Variants in PNPLA5 observed in about 807,000 individuals in gnomAD.
The protein encoded by PNPLA5 is patatin like domain 5, triacylglycerol lipase, also known as patatin-like phospholipase domain-containing protein 5.
A neutral mutation model predicts 49.1 loss-of-function variants in PNPLA5; 44 were observed. The observed-to-expected ratio is 0.90, with a 90% CI of 0.70 to 1.15. The LOEUF is 1.15. Ranked by LOEUF, PNPLA5 falls within the 50% of genes most tolerant of loss-of-function variation. The probability of loss-of-function intolerance (pLI) is 0.00; values close to 1 mark genes in which losing one functional copy is unlikely to be tolerated. For missense variants in PNPLA5, 603 were observed against 564.0 expected, an observed-to-expected ratio of 1.07 and a Z score of -0.70; for synonymous variants, 243 against 244.4, an observed-to-expected ratio of 0.99 and a Z score of 0.06.
chr22:43,881,545 C>T lies in PNPLA5; in HGVS notation c.1199+13G>A. 6.4e-7 allele frequency: 1 copy of T among 1,570,986 alleles called. No homozygotes were observed. The highest frequency in any genetic ancestry group is 8.6e-7 in the Non-Finnish European group (1 of 1,158,530). ...GCCACCCCCTCTCCATCCCTGCCCT[C>T]TGCCCACCTCACCTGATGGGCCCAA... is the stretch of plus-strand genomic sequence containing the variant. On this transcript the variant is annotated intron_variant, in intron 8 of 8. Coordinates refer to ENST00000216177, the MANE Select transcript of PNPLA5 (RefSeq NM_138814.4).
In PNPLA5 at chr22:43,886,429, C is replaced by T. The variant is rs956120741; in HGVS notation, c.823G>A (p.Asp275Asn). 6.2e-7 allele frequency: 1 copy of T among 1,614,148 alleles called. No individual in the cohort carries two copies. ...TCACAGCCAGCATCCCAGTTTCCGT[C>T]AGCCGGGGCTGGGGGTTCCTTAGAC... ...LVSKEPPAPADGNWDAGCDQR... is the reference protein window; with the variant it reads ...LVSKEPPAPANGNWDAGCDQR... Residue 275 changes from aspartate (D) to asparagine (N), a missense_variant, in exon 6 of 9, where the codon GAC becomes AAC. By Grantham distance (23) the Asp-to-Asn change is conservative (BLOSUM62 1). Coordinates refer to ENST00000216177, the MANE Select transcript of PNPLA5 (RefSeq NM_138814.4).
intron 2 of PNPLA5, 21 bp downstream of exon 2, chr22:43,891,041 T>C (rs1183447142): frequency 1.3e-6 from 2 of 1,595,918 alleles, no homozygotes; most frequent in East Asian, 2.3e-5. Context: ...AGCCAAGCCC[T>C]GGGCACCCCC....
At chr22:43,890,976 C>T (rs1160708263) in intron 2 of PNPLA5, 86 bp downstream of exon 2, 17 of 1,497,594 alleles carry the variant, frequency 1.1e-5, no homozygotes, top group African/African-American at 1.4e-5. Context: ...CCTGCAGAAA[C>T]GTCTGACGGG....
Position 43,880,736 on chromosome 22 carries a change from CA to C in PNPLA5, c.*58del. ...CTGGGGCAGATGTGGGCACACAGGA[CA>C]AAGGCCAGAGCAGGAATCAAGGGAC... is the stretch of plus-strand genomic sequence containing the variant. On this transcript the variant is annotated 3_prime_UTR_variant, in exon 9 of 9. Coordinates refer to ENST00000216177, the MANE Select transcript of PNPLA5 (RefSeq NM_138814.4). The C allele has an allele frequency of 7.9e-7, 1 of 1,265,008 alleles. No homozygotes were observed. 78.4% of individuals were successfully genotyped at this position (1,265,008 alleles called of 1,614,324 possible).
At chr22:43,884,709 A>G (rs898483774) in intron 6 of PNPLA5, among the ~76,000 whole-genome samples, 6 of 142,016 alleles carry the variant, frequency 4.2e-5, no homozygotes, top group African/African-American at 1.3e-4. Context: ...GCTGGGACAG[A>G]TGCTCTCACC....
rs547894191 is a variant in PNPLA5, at chr22:43,884,204, G to A, written c.1082+9C>T. On this transcript the variant is annotated intron_variant, in intron 7 of 8. Coordinates refer to ENST00000216177, the MANE Select transcript of PNPLA5 (RefSeq NM_138814.4). ...CAGGCCCTTCCCAGGCCCCCTGGCC[G>A]AGCCTTACCTTCTGCTGCGGAAGTA... The A allele has an allele frequency of 1.3e-4, 196 of 1,510,938 alleles. No individual in the cohort carries two copies. The South Asian group carries it at 2.1e-3, about 16-fold the overall frequency. The allele number at this position is 1,510,938 out of a possible 1,614,324, so 93.6% of individuals were successfully genotyped here.
chr22:43,891,802 C>G lies in PNPLA5; in HGVS notation c.79G>C (p.Ala27Pro). Residue 27 changes from alanine to proline, a missense_variant, in exon 1 of 9, where the codon GCC (alanine) becomes CCC (proline). Coordinates refer to ENST00000216177, the MANE Select transcript of PNPLA5 (RefSeq NM_138814.4). ...AGYLGAHHVG[A>P]TECLRQRAPR... The stretch of plus-strand genomic sequence containing the variant: ...GCTCGCTGGCGCAGGCATTCGGTGG[C>G]GCCCACGTGGTGGGCGCCCAGGTAG... 6.6e-7 allele frequency: 1 copy of G among 1,524,952 alleles called. No homozygotes were observed. Among genetic ancestry groups the G allele is most frequent in the Non-Finnish European group, 8.8e-7 (1 of 1,140,016 alleles). The allele number at this position is 1,524,952 out of a possible 1,614,324, so 94.5% of individuals were successfully genotyped here. A position where few individuals can be genotyped will look rare whatever the true frequency, so the allele number is the denominator to read the frequency against.
chr22:43,889,459 C>G lies in PNPLA5; in HGVS notation c.572G>C (p.Gly191Ala), dbSNP rs1399069066. ...GCTCTGGGGGCAGATGTCCACTGTC[C>G]CATGGAAGGGCGACACCGTGATGGT... ...PSTITVSPFHGTVDICPQSTS... is the reference protein window; with the variant it reads ...PSTITVSPFHATVDICPQSTS... Residue 191 changes from glycine (G) to alanine (A), a missense_variant, in exon 4 of 9, where the codon GGG becomes GCG. Coordinates refer to ENST00000216177, the MANE Select transcript of PNPLA5 (RefSeq NM_138814.4). The G allele has an allele frequency of 3.1e-6, 5 of 1,613,640 alleles. No individual in the cohort carries two copies. Among genetic ancestry groups the G allele is most frequent in the African/African-American group, 1.3e-5 (1 of 74,784 alleles).
intron 1 of PNPLA5, 53 bp from the exon 2 acceptor site, chr22:43,891,347 C>A: frequency 6.7e-7 from 1 of 1,498,294 alleles, no homozygotes; most frequent in Non-Finnish European, 8.8e-7. Flanking sequence ...TCCTGCCAGT[C>A]CCTCCACACC....
At position 43,888,330 on chromosome 22, in the gene PNPLA5, A is replaced by G. The variant is rs542336068; in HGVS notation, c.703-679T>C. On this transcript the variant is annotated intron_variant, in intron 4 of 8. Coordinates refer to ENST00000216177, the MANE Select transcript of PNPLA5 (RefSeq NM_138814.4). The stretch of plus-strand genomic sequence containing the variant: ...AAAGCACTACACAAACCTGAGAGGT[A>G]GAAGGGACAAGGAAGAGCCAGGATG... Among the ~76,000 whole-genome samples, 50 of 148,550 alleles carry G rather than the reference A, an allele frequency of 3.4e-4. 1 individual carries two copies. In the South Asian group the frequency reaches 8.8e-3, roughly 26 times the overall value.
At position 43,891,754 on chromosome 22, in the gene PNPLA5, G is replaced by C; in HGVS notation, c.127C>G (p.Arg43Gly). 3.2e-6 allele frequency: 5 copies of C among 1,541,824 alleles called. No homozygotes were observed. The highest frequency in any genetic ancestry group is 4.4e-6 in the Non-Finnish European group (5 of 1,144,056). Residue 43 changes from arginine to glycine, a missense_variant, in exon 1 of 9, where the codon CGC becomes GGC. By Grantham distance (125) the Arg-to-Gly change is moderately radical. Transcript: ENST00000216177. ...QRAPRLLQGA[R>G]RIYGSSSGAL... ...CCAGACGAGGAACCGTAGATGCGGC[G>C]GGCGCCCTGGAGGAGGCGCGGGGCT...
In PNPLA5 at chr22:43,891,926, C is replaced by A; in HGVS notation, c.-46G>T. 1 of 1,474,966 alleles carries A rather than the reference C, an allele frequency of 6.8e-7. No individual in the cohort carries two copies. Among genetic ancestry groups the A allele is most frequent in the Non-Finnish European group, 9.0e-7 (1 of 1,112,940 alleles). The allele number at this position is 1,474,966 out of a possible 1,614,324, so 91.4% of individuals were successfully genotyped here. ...TGATCGGGACGAGGAAGGGTCACTC[C>A]GTGACCCGGGATAGGGCCGGGATGC... is the stretch of plus-strand genomic sequence containing the variant. On this transcript the variant is annotated 5_prime_UTR_variant, in exon 1 of 9. Coordinates refer to ENST00000216177, the MANE Select transcript of PNPLA5 (RefSeq NM_138814.4).
rs779773098 is a variant in PNPLA5, at chr22:43,891,084, G to A, written c.404C>T (p.Ala135Val). ...DGRNFLVTDF[A>V]TCDELIQALV... ...CACCTGGATGAGCTCATCGCAGGTGGCGAAGTCAGTGACCAAGAAGTTGCG... is the reference window on the plus strand; with the variant it reads ...CACCTGGATGAGCTCATCGCAGGTGACGAAGTCAGTGACCAAGAAGTTGCG... Residue 135 changes from alanine to valine, a missense_variant, in exon 2 of 9, where the codon GCC becomes GTC. Transcript: ENST00000216177. 1.1e-5 allele frequency: 17 copies of A among 1,610,818 alleles called. No individual in the cohort carries two copies. Among genetic ancestry groups the A allele is most frequent in the African/African-American group, 2.7e-5 (2 of 75,010 alleles).
At chr22:43,889,205 C>G (rs186857729) in intron 4 of PNPLA5, 124 bp downstream of exon 4, 5 of 1,079,296 alleles carry the variant, frequency 4.6e-6, no homozygotes, top group Non-Finnish European at 6.7e-6. Context: ...CTGTGAGACT[C>G]GGGACATGTG....
Position 43,891,275 on chromosome 22 carries a change from G to A in PNPLA5, c.213C>T (p.Leu71=). 1.3e-6 allele frequency: 2 copies of A among 1,558,916 alleles called. No individual in the cohort carries two copies. Among genetic ancestry groups the A allele is most frequent in the Non-Finnish European group, 1.7e-6 (2 of 1,152,754 alleles). Residue 71 remains leucine (L), a synonymous_variant, in exon 2 of 9, where the codon CTC becomes CTT. Transcript: ENST00000216177. ...GKSVDFCCSH[L]LGMVGQLERL... is the part of the protein sequence containing the mutation. ...GCTCCAACTGCCCAACCATGCCCAG[G>A]AGGTGGGAGCAGCAGAAGTCTGCAG...
chr22:43,891,423 CG>C (rs1409628516), intron 1 of PNPLA5, 129 bp from the exon 2 acceptor site: 27 of 1,405,528 alleles, frequency 1.9e-5, no homozygotes, highest in Non-Finnish European at 2.0e-5. Flanking sequence ...TTTCTGGGCT[CG>C]GCCCCGGATT....
Position 43,879,680 on chromosome 22 carries a change from A to G in PNPLA5, c.*1115T>C, listed in dbSNP as rs2049589257. On this transcript the variant is annotated 3_prime_UTR_variant, in exon 9 of 9. Transcript: ENST00000216177. ...TGATAAATGAATGAAAGAATGAATG[A>G]GTGGCTTATTGTCTCTTTATTTATT... 2.0e-5 allele frequency: 3 copies of G among 152,150 alleles called. No homozygotes were observed. The highest frequency in any genetic ancestry group is 1.3e-4 in the Admixed American group (2 of 15,276). The allele number at this position is 152,150 out of a possible 1,614,324, so 9.4% of individuals were successfully genotyped here.
intron 4 of PNPLA5, among the ~76,000 whole-genome samples, chr22:43,888,412 T>TGTGTGTGTGTG (rs2049688627): frequency 1.3e-5 from 1 of 77,568 alleles, no homozygotes; most frequent in African/African-American, 6.0e-5. Context: ...GTGTGTGTGT[T>TGTGTGTGTGTG]TCTTTCTTTC....
In PNPLA5 at chr22:43,891,063, T is replaced by C. The variant is rs149784221; in HGVS notation, c.425A>G (p.Gln142Arg). 2 of 1,606,884 alleles carry C rather than the reference T, an allele frequency of 1.2e-6. No homozygotes were observed. The highest frequency in any genetic ancestry group is 1.3e-5 in the African/African-American group (1 of 74,844). Residue 142 changes from glutamine (Q) to arginine (R), a missense_variant and splice_region_variant, in exon 2 of 9, where the codon CAG becomes CGG. Physicochemically the swap from Gln to Arg is conservative, Grantham distance 43. Transcript: ENST00000216177. The part of the protein sequence containing the change: ...TDFATCDELI[Q>R]ALVCTLYFPF... ...CCCTGGGCACCCCCCGCCCCACACCTGGATGAGCTCATCGCAGGTGGCGAA... is the reference window on the plus strand; with the variant it reads ...CCCTGGGCACCCCCCGCCCCACACCCGGATGAGCTCATCGCAGGTGGCGAA...
Sources: gnomAD v4.1 joint callset for allele counts (sites outside exome capture counted in the v4.1 genomes callset) on GRCh38, gnomAD v4.1.1 for gene constraint, MANE v1.5 for transcripts, NCBI Gene and HGNC (gene_info 2026-07-23, HGNC 2026-07-21) for gene names.